The following GABRG3 variants were observed in gnomAD, a reference collection of about 807,000 sequenced individuals.
GABRG3 encodes gamma-aminobutyric acid type A receptor subunit gamma3.
A neutral mutation model predicts 48.8 loss-of-function variants in GABRG3; 25 were observed. The ratio of observed to expected loss-of-function variants is 0.51; its 90% CI spans 0.37 to 0.72. The LOEUF (loss-of-function observed/expected upper bound fraction) is 0.72. Among genes scored for constraint, GABRG3 ranks in the 30% least tolerant of loss-of-function variants. The pLI, the probability that GABRG3 is intolerant of heterozygous loss-of-function variation, is 0.00. For synonymous variants in GABRG3, 227 were observed against 217.6 expected, an observed-to-expected ratio of 1.04 and a Z score of -0.38; for missense variants, 394 against 577.9, an observed-to-expected ratio of 0.68 and a Z score of 3.26.
intron 5 of GABRG3, among the ~76,000 whole-genome samples, chr15:27,345,941 TACCC>T (rs1485115155): frequency 1.3e-5 from 2 of 151,560 alleles, no homozygotes; most frequent in African/African-American, 4.9e-5. Context: ...TAGTCCCAGC[TACCC>T]AGGAGGCTGA....
chr15:27,190,591 A>G (rs572717312), intron 3 of GABRG3, among the ~76,000 whole-genome samples: 356 of 151,918 alleles, frequency 2.3e-3, no homozygotes, highest in African/African-American at 8.3e-3. Flanking sequence ...ATCATTTTTT[A>G]TTGCATCTAT....
At chr15:27,108,672 C>A (rs1009129074) in intron 3 of GABRG3, among the ~76,000 whole-genome samples, 1 of 152,152 alleles carries the variant, frequency 6.6e-6, no homozygotes, top group African/African-American at 2.4e-5. Context: ...ATGATGCAGT[C>A]GAATCTACCT....
At chr15:27,227,554 G>T (rs1034687957) in intron 3 of GABRG3, among the ~76,000 whole-genome samples, 1 of 152,068 alleles carries the variant, frequency 6.6e-6, no homozygotes, top group African/African-American at 2.4e-5. Flanking sequence ...GGCCGTGGTG[G>T]CATGCACCTG....
At chr15:27,467,063 G>A (rs1309753654) in intron 5 of GABRG3, among the ~76,000 whole-genome samples, 1 of 152,116 alleles carries the variant, frequency 6.6e-6, no homozygotes, top group East Asian at 1.9e-4. Flanking sequence ...AAACTGGGTG[G>A]CTTAAACCAC....
intron 5 of GABRG3, among the ~76,000 whole-genome samples, chr15:27,349,410 C>T (rs2140534599): frequency 6.6e-6 from 1 of 152,280 alleles, no homozygotes; most frequent in African/African-American, 2.4e-5. Context: ...CTGCCTTAAC[C>T]ATTGCCTCTG....
chr15:27,132,822 A>T (rs1897943331), intron 3 of GABRG3, among the ~76,000 whole-genome samples: 1 of 147,522 alleles, frequency 6.8e-6, no homozygotes. Flanking sequence ...AATCTTTATT[A>T]TTTTCTTCCT....
At chr15:27,017,438 G>A (rs537648763) in intron 2 of GABRG3, among the ~76,000 whole-genome samples, 5 of 152,170 alleles carry the variant, frequency 3.3e-5, no homozygotes, top group South Asian at 2.1e-4. Context: ...TCATTCCATC[G>A]TACTGCAGAC....
At chr15:27,530,192 A>G (rs1018872662) in intron 9 of GABRG3, among the ~76,000 whole-genome samples, 6 of 152,168 alleles carry the variant, frequency 3.9e-5, no homozygotes, top group Non-Finnish European at 8.8e-5. Context: ...AGCTGTTCCA[A>G]TTGCTCTGTG....
rs139000220 is a variant in GABRG3 at position 27,095,084 on chromosome 15, G to C, written c.270+68263G>C. On this transcript the variant is annotated intron_variant, in intron 3 of 9. Transcript: ENST00000615808. ...AGACAGGCATCTCTGCAAATGAACA[G>C]GACTGGATTTTCGCCACACCGATGT... Among the ~76,000 whole-genome samples, 193 of 152,250 alleles carry C rather than the reference G, an allele frequency of 1.3e-3. 1 individual carries two copies. Among genetic ancestry groups the C allele is most frequent in the African/African-American group, 4.1e-3 (172 of 41,548 alleles).
intron 3 of GABRG3, among the ~76,000 whole-genome samples, chr15:27,274,858 A>G (rs1285164368): frequency 2.0e-5 from 3 of 152,246 alleles, no homozygotes; most frequent in African/African-American, 2.4e-5. Flanking sequence ...TAGCATTTTC[A>G]TTAAAAAATA....
At chr15:27,136,725 C>T (rs1898014721) in intron 3 of GABRG3, among the ~76,000 whole-genome samples, 1 of 152,078 alleles carries the variant, frequency 6.6e-6, no homozygotes, top group Admixed American at 6.5e-5. Flanking sequence ...AATTTACTCC[C>T]CATCCTAGAA....
At chr15:27,316,138 A>G (rs2140510988) in intron 3 of GABRG3, among the ~76,000 whole-genome samples, 1 of 152,290 alleles carries the variant, frequency 6.6e-6, no homozygotes, top group South Asian at 2.1e-4. Flanking sequence ...TAATCCCAGC[A>G]CTTTGGGAGG....
At chr15:27,517,716 TGC>T (rs1171823165) in intron 6 of GABRG3, among the ~76,000 whole-genome samples, 1 of 152,212 alleles carries the variant, frequency 6.6e-6, no homozygotes, top group Non-Finnish European at 1.5e-5. Context: ...GGGTTTTGAT[TGC>T]AATTTTATGC....
intron 3 of GABRG3, chr15:27,158,265 C>T (rs1898486256): frequency 6.6e-6 from 1 of 152,062 alleles, no homozygotes; most frequent in Admixed American, 6.5e-5. Context: ...ATAAAATATA[C>T]CTGGATCTGT....
intron 3 of GABRG3, among the ~76,000 whole-genome samples, chr15:27,294,491 C>T (rs1223952113): frequency 1.3e-5 from 2 of 152,172 alleles, no homozygotes; most frequent in East Asian, 3.9e-4. Flanking sequence ...GCTGGGATTA[C>T]AGATGTGAGC....
chr15:27,025,102 G>A (rs543812987), intron 2 of GABRG3, among the ~76,000 whole-genome samples: 108 of 150,836 alleles, frequency 7.2e-4, no homozygotes, highest in African/African-American at 1.7e-3. Context: ...GTGTGTGTGC[G>A]CACACTTATT....
intron 6 of GABRG3, among the ~76,000 whole-genome samples, chr15:27,497,364 T>C: frequency 6.6e-6 from 1 of 152,208 alleles, no homozygotes. Flanking sequence ...ATTTGTTTCC[T>C]TTTGAGAATG....
chr15:27,270,241 CT>C (rs1841464651), intron 3 of GABRG3, among the ~76,000 whole-genome samples: 1 of 152,112 alleles, frequency 6.6e-6, no homozygotes, highest in African/African-American at 2.4e-5. Flanking sequence ...AGAAATGTCT[CT>C]GTTGCAGGAG....
intron 3 of GABRG3, among the ~76,000 whole-genome samples, chr15:27,125,495 A>C (rs1466891292): frequency 6.6e-6 from 1 of 152,232 alleles, no homozygotes; most frequent in African/African-American, 2.4e-5. Context: ...ACTGTTCACA[A>C]CACAACTGAT....
Sources: gnomAD v4.1 joint callset for allele counts (sites outside exome capture counted in the v4.1 genomes callset) on GRCh38, gnomAD v4.1.1 for gene constraint, MANE v1.5 for transcripts, NCBI Gene and HGNC (gene_info 2026-07-23, HGNC 2026-07-21) for gene names.